BAZ1A: variants seen among roughly 807,000 people sequenced by gnomAD.
BAZ1A encodes bromodomain adjacent to zinc finger domain 1A, also known as bromodomain adjacent to zinc finger domain protein 1A.
In BAZ1A, 50 loss-of-function variants were observed where a neutral mutation model predicts 185.2. The ratio of observed to expected loss-of-function variants is 0.27; its 90% CI spans 0.22 to 0.34. The LOEUF is 0.34. BAZ1A is among the 10% of genes least tolerant of loss of function. The probability of loss-of-function intolerance (pLI) is 1.00; values close to 1 mark genes in which losing one functional copy is unlikely to be tolerated. For synonymous variants in BAZ1A, 571 were observed against 615.6 expected (o/e 0.93, Z 1.07); for missense variants, 1,356 against 1,839.9 (o/e 0.74, Z 4.81).
At chr14:34,852,339 C>T (rs961031590) in intron 3 of BAZ1A, among the ~76,000 whole-genome samples, 2 of 152,090 alleles carry the variant, frequency 1.3e-5, no homozygotes, top group East Asian at 1.9e-4. Context: ...ATAAAATCAG[C>T]GGGGCACAAT....
chr14:34,844,529 C>T (rs1234441420), intron 3 of BAZ1A, among the ~76,000 whole-genome samples: 1 of 151,902 alleles, frequency 6.6e-6, no homozygotes, highest in East Asian at 1.9e-4. Context: ...GTAATCCCAG[C>T]ACTTTGGGAG....
At chr14:34,843,640 T>C (rs1012939757) in intron 3 of BAZ1A, among the ~76,000 whole-genome samples, 7 of 152,194 alleles carry the variant, frequency 4.6e-5, no homozygotes, top group African/African-American at 1.7e-4. Context: ...TGGTTTGTTA[T>C]ACAGCAAAGG....
chr14:34,857,505 C>T (rs545696084), intron 3 of BAZ1A, among the ~76,000 whole-genome samples: 15 of 152,272 alleles, frequency 9.9e-5, no homozygotes, highest in African/African-American at 3.6e-4. Context: ...TTGAGATCAT[C>T]CATGATTTCA....
At chr14:34,833,926 AG>A (rs2042290373) in intron 3 of BAZ1A, among the ~76,000 whole-genome samples, 2 of 152,192 alleles carry the variant, frequency 1.3e-5, no homozygotes, top group South Asian at 4.1e-4. Flanking sequence ...AAGCTTGAGA[AG>A]AGGCTCAATT....
At chr14:34,787,076 C>T (rs1880506574) in intron 12 of BAZ1A, among the ~76,000 whole-genome samples, 2 of 151,954 alleles carry the variant, frequency 1.3e-5, no homozygotes, top group Admixed American at 6.6e-5. Context: ...TTTTCCAGGC[C>T]AAGTGCGGTG....
Position 34,862,160 on chromosome 14 carries a change from C to T in BAZ1A, c.276G>A (p.Leu92=), listed in dbSNP as rs1381027776. The part of the protein sequence containing the change: ...PEPLIIPVLY[L]TSLTHRSRLH... ...AGCGCGAACGATGGGTAAGGCTGGT[C>T]AAGTATAAAACTGGAATAATTAGTG... Residue 92 remains leucine, a synonymous_variant, in exon 3 of 27, where the codon TTG becomes TTA. Transcript: ENST00000360310. The T allele has an allele frequency of 1.2e-6, 2 of 1,614,014 alleles. No homozygotes were observed. Among genetic ancestry groups the T allele is most frequent in the African/African-American group, 2.7e-5 (2 of 74,912 alleles).
chr14:34,843,914 G>A (rs947906399), intron 3 of BAZ1A, among the ~76,000 whole-genome samples: 11 of 152,072 alleles, frequency 7.2e-5, no homozygotes, highest in Non-Finnish European at 1.6e-4. Context: ...GCTAAGAATG[G>A]TTTAAACACG....
Position 34,826,077 on chromosome 14 carries a change from C to T in BAZ1A, c.472G>A (p.Gly158Arg). Residue 158 changes from glycine (G) to arginine (R), a missense_variant, in exon 4 of 27, where the codon GGA becomes AGA. This residue lies in a region of BAZ1A where 332 missense variants were observed against 395.3 expected (regional missense o/e 0.84). Transcript: ENST00000360310. The part of the protein sequence containing the change: ...FANGHVNSVD[G>R]ETIIISDSDD... ...CTATCACTGATGATAATAGTTTCTC[C>T]ATCCACACTGTTAACATGTCCATTA... is the stretch of plus-strand genomic sequence containing the variant. 6.2e-7 allele frequency: 1 copy of T among 1,610,996 alleles called. No homozygotes were observed. Among genetic ancestry groups the T allele is most frequent in the South Asian group, 1.1e-5 (1 of 90,460 alleles).
At position 34,783,926 on chromosome 14, in the gene BAZ1A, T is replaced by C; in HGVS notation, c.1833A>G (p.Gly611=). The change falls in exon 15 of 27, where the codon GGA becomes GGG. Residue 611 remains glycine, a splice_region_variant and synonymous_variant. Transcript: ENST00000360310. ...GAGCATGGAGTATCTTCATTTTTTC[T>C]CCTGTCAAAAATTGGTAAATACTTC... is the stretch of plus-strand genomic sequence containing the variant. ...SSTSVYDLTP[G]EKMKILHALC... 6.3e-7 allele frequency: 1 copy of C among 1,583,896 alleles called. No homozygotes were observed.
intron 4 of BAZ1A, among the ~76,000 whole-genome samples, chr14:34,823,199 A>G (rs2042113314): frequency 6.6e-6 from 1 of 151,952 alleles, no homozygotes; most frequent in South Asian, 2.1e-4. Context: ...ACTAAAAAAT[A>G]TAAAACCTAG....
chr14:34,866,502 A>AAAAAAAAAAAAAAAAAAAGGAAAAAAG, intron 2 of BAZ1A, among the ~76,000 whole-genome samples: 9 of 79,536 alleles, frequency 1.1e-4, no homozygotes, highest in Non-Finnish European at 2.6e-4. Flanking sequence ...AAAAAAAAAA[A>AAAAAAAAAAAAAAAAAAAGGAAAAAAG]GAAAAAAGTT....
At position 34,875,150 on chromosome 14, in the gene BAZ1A, C is replaced by T. The variant is rs1440149447; in HGVS notation, c.-71G>A. 5 of 408,924 alleles carry T rather than the reference C, an allele frequency of 1.2e-5. No individual in the cohort carries two copies. The highest frequency in any genetic ancestry group is 1.1e-4 in the Admixed American group (4 of 37,238). The allele number at this position is 408,924 out of a possible 1,614,324, so 25.3% of individuals were successfully genotyped here. A position where few individuals can be genotyped will look rare whatever the true frequency, so the allele number is the denominator to read the frequency against. On this transcript the variant is annotated 5_prime_UTR_variant, in exon 1 of 27. Coordinates refer to ENST00000360310, the MANE Select transcript of BAZ1A (RefSeq NM_013448.3). Reference sequence around the variant, plus strand: ...GAGCGACCCTCACCTGCGATCACGCCGACTGCCACTTGTCCACCTTCTCCA... The same window carrying T: ...GAGCGACCCTCACCTGCGATCACGCTGACTGCCACTTGTCCACCTTCTCCA...
chr14:34,783,520 G>A (rs1566559139), intron 15 of BAZ1A, among the ~76,000 whole-genome samples: 1 of 151,990 alleles, frequency 6.6e-6, no homozygotes, highest in African/African-American at 2.4e-5. Context: ...ATTTTTAGTA[G>A]AGATGGGATT....
At chr14:34,797,440 T>C (rs1267187015) in intron 9 of BAZ1A, among the ~76,000 whole-genome samples, 4 of 151,954 alleles carry the variant, frequency 2.6e-5, no homozygotes, top group Non-Finnish European at 5.9e-5. Context: ...GCACTTCTAG[T>C]CCCAGCCACT....
rs114209158 is a variant in BAZ1A, at chr14:34,841,421, C to T, written c.393-15265G>A. Among the ~76,000 whole-genome samples, 937 of 152,184 alleles carry T rather than the reference C, an allele frequency of 6.2e-3. 18 individuals are homozygous for T. The highest frequency in any genetic ancestry group is 0.022 in the African/African-American group (905 of 41,530). The stretch of plus-strand genomic sequence containing the variant: ...GTTTTCTTTTTTTTGGAGACAGTCT[C>T]GCTTTGTCGCCCAGGCTGGAGTGCA... On this transcript the variant is annotated intron_variant, in intron 3 of 26. Coordinates refer to ENST00000360310, the MANE Select transcript of BAZ1A (RefSeq NM_013448.3).
At chr14:34,831,463 G>T (rs982938538) in intron 3 of BAZ1A, among the ~76,000 whole-genome samples, 23 of 152,148 alleles carry the variant, frequency 1.5e-4, no homozygotes, top group African/African-American at 5.6e-4. Context: ...AGTGAAAGGT[G>T]GTAAAATCTG....
chr14:34,776,814 G>C (rs1594826863), intron 17 of BAZ1A, among the ~76,000 whole-genome samples: 1 of 152,134 alleles, frequency 6.6e-6, no homozygotes, highest in South Asian at 2.1e-4. Flanking sequence ...TAAGGATATA[G>C]CAAGAAGGCA....
chr14:34,761,857 G>A lies in BAZ1A; in HGVS notation c.4143C>T (p.Ala1381=), dbSNP rs1450871683. ...SPNFPNFRVI[A]TKSSEQSRSV... is the part of the protein sequence containing the mutation. ...ATCTTGACTGTTCACTTGACTTTGT[G>A]GCAATGACTCTGAAGTTAGGGAAGT... The change falls in exon 24 of 27, where the codon GCC becomes GCT. Residue 1381 remains alanine (A), a synonymous_variant. Transcript: ENST00000360310. 1.2e-6 allele frequency: 2 copies of A among 1,614,174 alleles called. No homozygotes were observed. The highest frequency in any genetic ancestry group is 2.2e-5 in the South Asian group (2 of 91,086).
intron 3 of BAZ1A, among the ~76,000 whole-genome samples, chr14:34,830,876 A>C (rs1284423544): frequency 1.3e-5 from 2 of 149,248 alleles, no homozygotes; most frequent in East Asian, 4.0e-4. Context: ...CCACCTCAGC[A>C]TCCCAAGAAG....
Sources: allele counts gnomAD v4.1 joint callset (sites outside exome capture counted in the v4.1 genomes callset), GRCh38; gene constraint gnomAD v4.1.1; regional missense constraint gnomAD v4.1.1; transcripts MANE v1.5; gene names NCBI Gene and HGNC (gene_info 2026-07-23, HGNC 2026-07-21).